The following PTPRD variants were observed in gnomAD, a reference collection of about 807,000 sequenced individuals.
PTPRD encodes the protein protein tyrosine phosphatase receptor type D, also known as receptor-type tyrosine-protein phosphatase delta.
Under a neutral mutation model 214.5 loss-of-function variants are expected in PTPRD, and 34 were observed. The ratio of observed to expected loss-of-function variants is 0.16; its 90% confidence interval spans 0.12 to 0.21. PTPRD has a LOEUF of 0.21. Among genes scored for constraint, PTPRD ranks in the 10% least tolerant of loss-of-function variants. The pLI is 1.00. For missense variants in PTPRD, 2,545 were observed against 2,398.7 expected, an observed-to-expected ratio of 1.06 and a Z score of -1.27; for synonymous variants, 1,128 against 845.7, an observed-to-expected ratio of 1.33 and a Z score of -5.79.
intron 8 of PTPRD, among the ~76,000 whole-genome samples, chr9:9,480,533 C>A (rs141287106): frequency 2.6e-5 from 4 of 151,860 alleles, no homozygotes; most frequent in African/African-American, 4.8e-5. Context: ...TTTTAAAAAG[C>A]AATATTTAAA....
intron 3 of PTPRD, among the ~76,000 whole-genome samples, chr9:10,099,873 G>C (rs452582): frequency 0.39 from 58,961 of 151,362 alleles, 12,138 homozygotes; most frequent in East Asian, 0.53. Flanking sequence ...TAGTTTAGAA[G>C]AAAAAATGGT....
At chr9:10,004,292 C>T (rs2096413279) in intron 4 of PTPRD, among the ~76,000 whole-genome samples, 2 of 151,744 alleles carry the variant, frequency 1.3e-5, no homozygotes, top group South Asian at 4.2e-4. Context: ...ATATTAAAGC[C>T]ACATTTTGAA....
intron 11 of PTPRD, among the ~76,000 whole-genome samples, chr9:8,877,699 T>C (rs1666779046): frequency 6.6e-6 from 1 of 152,178 alleles, no homozygotes; most frequent in Admixed American, 6.5e-5. Flanking sequence ...TTCAGCAACA[T>C]TTTCTAAGAA....
chr9:9,116,412 A>T (rs577479788), intron 10 of PTPRD, among the ~76,000 whole-genome samples: 3 of 152,236 alleles, frequency 2.0e-5, no homozygotes, highest in African/African-American at 7.2e-5. Flanking sequence ...GTGAGAGCTC[A>T]GCTGAGTATG....
At chr9:9,936,823 C>T (rs1053363551) in intron 5 of PTPRD, among the ~76,000 whole-genome samples, 18 of 141,646 alleles carry the variant, frequency 1.3e-4, no homozygotes, top group African/African-American at 4.0e-4. Flanking sequence ...TTGGAACCAA[C>T]CCAAATGTCC....
chr9:8,427,877 C>G, intron 35 of PTPRD, among the ~76,000 whole-genome samples: 1 of 151,772 alleles, frequency 6.6e-6, no homozygotes, highest in South Asian at 2.1e-4. Flanking sequence ...CTTAGTGGTA[C>G]ATGCAATGAT....
chr9:8,982,046 G>A (rs1323281184), intron 11 of PTPRD, among the ~76,000 whole-genome samples: 1 of 151,836 alleles, frequency 6.6e-6, no homozygotes, highest in Non-Finnish European at 1.5e-5. Flanking sequence ...ACTTAATAGG[G>A]ACAAAAGTAA....
Position 9,263,175 on chromosome 9 carries a change from T to C in PTPRD, c.-202-79812A>G, listed in dbSNP as rs547583320. 1.8e-3 allele frequency among the ~76,000 whole-genome samples: 274 copies of C among 151,824 alleles called. 1 individual carries two copies. Among genetic ancestry groups the C allele is most frequent in the African/African-American group, 6.4e-3 (266 of 41,508 alleles). On this transcript the variant is annotated intron_variant, in intron 9 of 45. Transcript: ENST00000381196. Reference sequence around the variant, plus strand: ...AATGAAATCTTGTTTTCTTAAATGATCCCAATAAATCATTCAAATTTATTA... The same window carrying C: ...AATGAAATCTTGTTTTCTTAAATGACCCCAATAAATCATTCAAATTTATTA...
intron 7 of PTPRD, among the ~76,000 whole-genome samples, chr9:9,672,301 T>A (rs2096846892): frequency 6.6e-6 from 1 of 152,130 alleles, no homozygotes; most frequent in South Asian, 2.1e-4. Context: ...ATGTATGGTT[T>A]ATGATGGGCA....
At chr9:9,660,518 A>G (rs529908138) in intron 7 of PTPRD, among the ~76,000 whole-genome samples, 1 of 152,166 alleles carries the variant, frequency 6.6e-6, no homozygotes, top group South Asian at 2.1e-4. Context: ...CTTGGGATAT[A>G]GGATGTAGAA....
chr9:10,330,046 C>CT (rs1024192746), intron 3 of PTPRD, among the ~76,000 whole-genome samples: 6 of 151,764 alleles, frequency 4.0e-5, no homozygotes, highest in Non-Finnish European at 5.9e-5. Context: ...TATTCCTGTA[C>CT]TTTTTTTTCT....
intron 2 of PTPRD, among the ~76,000 whole-genome samples, chr9:10,503,296 A>G (rs891399938): frequency 6.6e-6 from 1 of 151,730 alleles, no homozygotes; most frequent in African/African-American, 2.4e-5. Flanking sequence ...GTGATCATCA[A>G]TATTACTAAA....
chr9:8,607,778 A>C (rs2095289274), intron 14 of PTPRD, among the ~76,000 whole-genome samples: 1 of 152,266 alleles, frequency 6.6e-6, no homozygotes, highest in Non-Finnish European at 1.5e-5. Flanking sequence ...TTCATAGAAT[A>C]GTCACTTAAT....
intron 8 of PTPRD, among the ~76,000 whole-genome samples, chr9:9,415,655 T>G (rs1394626931): frequency 6.6e-6 from 1 of 152,122 alleles, no homozygotes; most frequent in Admixed American, 6.5e-5. Context: ...GCCATAAGAT[T>G]ACCCTTTAGG....
At chr9:10,364,447 C>T (rs1201623134) in intron 2 of PTPRD, among the ~76,000 whole-genome samples, 7 of 152,144 alleles carry the variant, frequency 4.6e-5, no homozygotes, top group Non-Finnish European at 8.8e-5. Context: ...ACTATACAAT[C>T]TATGCACGTA....
chr9:8,644,174 T>C (rs2096638150), intron 12 of PTPRD, among the ~76,000 whole-genome samples: 1 of 151,976 alleles, frequency 6.6e-6, no homozygotes, highest in Admixed American at 6.5e-5. Flanking sequence ...AGCTACCCTC[T>C]CTGATGAGAA....
At chr9:9,326,619 A>C (rs940593743) in intron 9 of PTPRD, among the ~76,000 whole-genome samples, 12 of 152,040 alleles carry the variant, frequency 7.9e-5, no homozygotes, top group Non-Finnish European at 1.3e-4. Context: ...GTTTAAATAA[A>C]AATGACAAGC....
intron 3 of PTPRD, among the ~76,000 whole-genome samples, chr9:10,242,978 A>G (rs2091405287): frequency 6.6e-6 from 1 of 151,830 alleles, no homozygotes; most frequent in Non-Finnish European, 1.5e-5. Flanking sequence ...AGATATGGTT[A>G]TGTTTCAAAA....
At chr9:8,932,473 C>T (rs558581310) in intron 11 of PTPRD, among the ~76,000 whole-genome samples, 5 of 152,274 alleles carry the variant, frequency 3.3e-5, no homozygotes, top group African/African-American at 1.2e-4. Flanking sequence ...GCGCCCACAG[C>T]TACCCTTTCC....
Sources: gnomAD v4.1 joint callset for allele counts (sites outside exome capture counted in the v4.1 genomes callset) on GRCh38, gnomAD v4.1.1 for gene constraint, MANE v1.5 for transcripts, NCBI Gene and HGNC (gene_info 2026-07-23, HGNC 2026-07-21) for gene names.